Variants in MACROD2 observed in about 807,000 individuals in gnomAD.
MACROD2 encodes ADP-ribose glycohydrolase MACROD2.
A neutral mutation model predicts 70.4 loss-of-function variants in MACROD2; 36 were observed. The ratio of observed to expected loss-of-function variants is 0.51; its 90% CI spans 0.39 to 0.68. The LOEUF is 0.68. MACROD2 is among the 30% of genes least tolerant of loss of function. The pLI is 0.00. For missense variants in MACROD2, 496 were observed against 538.4 expected, an observed-to-expected ratio of 0.92 and a Z score of 0.78; for synonymous variants, 172 against 178.8, an observed-to-expected ratio of 0.96 and a Z score of 0.30.
chr20:15,035,102 G>A (rs757622950), intron 5 of MACROD2, among the ~76,000 whole-genome samples: 3 of 152,132 alleles, frequency 2.0e-5, no homozygotes, highest in African/African-American at 4.8e-5. Context: ...TATTTAAAAA[G>A]TGGTACCAAG....
chr20:14,469,151 T>C (rs555033681), intron 3 of MACROD2, among the ~76,000 whole-genome samples: 23 of 151,662 alleles, frequency 1.5e-4, no homozygotes, highest in Non-Finnish European at 3.4e-4. Context: ...AGCATTTGCT[T>C]GTCTGTAAAG....
chr20:14,662,486 A>G (rs564475937), intron 4 of MACROD2, among the ~76,000 whole-genome samples: 11 of 152,240 alleles, frequency 7.2e-5, no homozygotes, highest in African/African-American at 2.4e-4. Context: ...CACTTGACAA[A>G]TGTGAGCTAA....
At chr20:14,638,746 C>T (rs974988487) in intron 4 of MACROD2, among the ~76,000 whole-genome samples, 2 of 151,996 alleles carry the variant, frequency 1.3e-5, no homozygotes, top group Non-Finnish European at 2.9e-5. Context: ...ATCAGGAGAT[C>T]GAGACCATCC....
At chr20:15,468,664 C>T (rs2046927049) in intron 7 of MACROD2, among the ~76,000 whole-genome samples, 1 of 152,092 alleles carries the variant, frequency 6.6e-6, no homozygotes, top group Non-Finnish European at 1.5e-5. Flanking sequence ...CTTTTGTGTG[C>T]TTCTTTTATT....
chr20:15,333,502 T>A (rs2078015761), intron 6 of MACROD2, among the ~76,000 whole-genome samples: 1 of 151,446 alleles, frequency 6.6e-6, no homozygotes, highest in Non-Finnish European at 1.5e-5. Flanking sequence ...CTCAAGAGCT[T>A]GGAGAAGATC....
intron 3 of MACROD2, among the ~76,000 whole-genome samples, chr20:14,454,225 C>A (rs994758543): frequency 6.6e-6 from 1 of 151,418 alleles, no homozygotes; most frequent in East Asian, 1.9e-4. Context: ...TATAAAATTT[C>A]TATTTATATT....
intron 3 of MACROD2, among the ~76,000 whole-genome samples, chr20:14,384,420 G>A (rs1269737984): frequency 6.6e-6 from 1 of 152,080 alleles, no homozygotes; most frequent in Non-Finnish European, 1.5e-5. Flanking sequence ...ACTAAGAAAG[G>A]AAATAACTAA....
intron 8 of MACROD2, among the ~76,000 whole-genome samples, chr20:15,508,657 G>A (rs1000726311): frequency 1.3e-5 from 2 of 152,108 alleles, no homozygotes; most frequent in Non-Finnish European, 2.9e-5. Flanking sequence ...TCTAGCGTTG[G>A]GCACCTTACC....
chr20:14,175,920 C>G (rs1318829555), intron 3 of MACROD2, among the ~76,000 whole-genome samples: 1 of 152,100 alleles, frequency 6.6e-6, no homozygotes, highest in Non-Finnish European at 1.5e-5. Context: ...AACCTAATGT[C>G]TTATAGGCAA....
chr20:15,841,286 A>G (rs971827284), intron 8 of MACROD2, among the ~76,000 whole-genome samples: 1 of 152,162 alleles, frequency 6.6e-6, no homozygotes, highest in Admixed American at 6.5e-5. Flanking sequence ...GCATCTAATC[A>G]TGATGTTGGG....
At chr20:15,745,905 G>A (rs927457976) in intron 8 of MACROD2, among the ~76,000 whole-genome samples, 1 of 152,064 alleles carries the variant, frequency 6.6e-6, no homozygotes, top group Non-Finnish European at 1.5e-5. Flanking sequence ...GTCTACATCT[G>A]TGTAATTTCT....
At position 15,415,647 on chromosome 20, in the gene MACROD2, G is replaced by A. The variant is rs553500279; in HGVS notation, c.541-15758G>A. Among the ~76,000 whole-genome samples, 18 of 152,264 alleles carry A rather than the reference G, an allele frequency of 1.2e-4. No homozygotes were observed. The South Asian group carries it at 1.5e-3, about 12-fold the overall frequency. ...GATGAAAAATTAAATTCATCACTTTGTGAAATTAAACTTTTGATGAAGTCA... is the reference window on the plus strand; with the variant it reads ...GATGAAAAATTAAATTCATCACTTTATGAAATTAAACTTTTGATGAAGTCA... On this transcript the variant is annotated intron_variant, in intron 6 of 17. Coordinates refer to ENST00000684519, the MANE Select transcript of MACROD2 (RefSeq NM_001351661.2).
intron 8 of MACROD2, among the ~76,000 whole-genome samples, chr20:15,612,873 C>A (rs1275113646): frequency 6.6e-6 from 1 of 152,182 alleles, no homozygotes; most frequent in East Asian, 1.9e-4. Context: ...TGCATTTTCC[C>A]ATCACTTACT....
Position 14,390,563 on chromosome 20 carries a change from G to A in MACROD2, c.272-102916G>A, listed in dbSNP as rs185054121. ...AAACAGACACATAGACCAATGGAAC[G>A]GAATAGAGAACCCAGAGATAAGACC... On this transcript the variant is annotated intron_variant, in intron 3 of 17. Coordinates refer to ENST00000684519, the MANE Select transcript of MACROD2 (RefSeq NM_001351661.2). 3.9e-4 allele frequency among the ~76,000 whole-genome samples: 60 copies of A among 152,122 alleles called. No individual in the cohort carries two copies. In the East Asian group the frequency reaches 6.0e-3, roughly 15 times the overall value.
chr20:15,974,875 T>G (rs1285717178), intron 13 of MACROD2, among the ~76,000 whole-genome samples: 2 of 152,158 alleles, frequency 1.3e-5, no homozygotes, highest in Non-Finnish European at 2.9e-5. Flanking sequence ...GTAATGTGTG[T>G]GCATATGTCA....
At chr20:14,403,240 A>G (rs2083657531) in intron 3 of MACROD2, among the ~76,000 whole-genome samples, 1 of 152,176 alleles carries the variant, frequency 6.6e-6, no homozygotes, top group African/African-American at 2.4e-5. Context: ...TGTACCCCCA[A>G]ACACTGACAT....
At chr20:14,670,253 A>C (rs2070779677) in intron 4 of MACROD2, among the ~76,000 whole-genome samples, 1 of 152,114 alleles carries the variant, frequency 6.6e-6, no homozygotes, top group Non-Finnish European at 1.5e-5. Flanking sequence ...TACCAGAAAA[A>C]TATGATCTTC....
intron 5 of MACROD2, among the ~76,000 whole-genome samples, chr20:14,732,459 T>C (rs1459471450): frequency 6.6e-6 from 1 of 152,182 alleles, no homozygotes; most frequent in East Asian, 1.9e-4. Flanking sequence ...AGAGCATTTT[T>C]AGATTTATGA....
At chr20:14,980,179 T>C (rs2074784134) in intron 5 of MACROD2, among the ~76,000 whole-genome samples, 1 of 152,176 alleles carries the variant, frequency 6.6e-6, no homozygotes, top group African/African-American at 2.4e-5. Flanking sequence ...AGATGGGGCC[T>C]TAAAAAGGTT....
Sources: allele counts gnomAD v4.1 joint callset (sites outside exome capture counted in the v4.1 genomes callset), GRCh38; gene constraint gnomAD v4.1.1; transcripts MANE v1.5; gene names NCBI Gene and HGNC (gene_info 2026-07-23, HGNC 2026-07-21).